GRIP1: variants seen among roughly 807,000 people sequenced by gnomAD.
The protein encoded by GRIP1 is glutamate receptor interacting protein 1.
Under a neutral mutation model 129.9 loss-of-function variants are expected in GRIP1, and 45 were observed. That is an observed-to-expected ratio of 0.35 (90% CI 0.27 to 0.44). GRIP1 has a LOEUF of 0.44. Ranked by LOEUF, GRIP1 falls within the 20% of genes least tolerant of loss-of-function variation. The probability of loss-of-function intolerance (pLI) is 1.00; values close to 1 mark genes in which losing one functional copy is unlikely to be tolerated. For missense variants in GRIP1, 1,196 were observed against 1,396.8 expected (o/e 0.86, Z 2.29); for synonymous variants, 530 against 520.8 (o/e 1.02, Z -0.24).
At chr12:66,960,523 G>A (rs1394089858) in intron 1 of GRIP1, among the ~76,000 whole-genome samples, 1 of 152,058 alleles carries the variant, frequency 6.6e-6, no homozygotes, top group African/African-American at 2.4e-5. Context: ...ACATACCACT[G>A]GTGCTCAGAA....
At chr12:66,514,058 C>A (rs2060776123) in intron 7 of GRIP1, among the ~76,000 whole-genome samples, 1 of 152,156 alleles carries the variant, frequency 6.6e-6, no homozygotes, top group African/African-American at 2.4e-5. Flanking sequence ...CCTGTGCCTG[C>A]CCTTATTCCC....
Position 66,490,990 on chromosome 12 carries a change from G to A in GRIP1, c.724+24629C>T, listed in dbSNP as rs59253853. On this transcript the variant is annotated intron_variant, in intron 7 of 24. Coordinates refer to ENST00000359742, the MANE Select transcript of GRIP1 (RefSeq NM_001366722.1). ...TGTTGGCAAGGTTGCGAAGAAAAAG[G>A]AATGCTTTTACACTGTTGGTGGGGG... 7.5e-3 allele frequency among the ~76,000 whole-genome samples: 1,137 copies of A among 152,278 alleles called. 18 individuals carry two copies. Among genetic ancestry groups the A allele is most frequent in the African/African-American group, 0.026 (1,096 of 41,564 alleles).
At chr12:66,801,999 G>T (rs2038872927) in intron 1 of GRIP1, among the ~76,000 whole-genome samples, 1 of 152,122 alleles carries the variant, frequency 6.6e-6, no homozygotes, top group Admixed American at 6.6e-5. Flanking sequence ...GAGAGGACTG[G>T]TTTTAAGGTC....
intron 1 of GRIP1, among the ~76,000 whole-genome samples, chr12:66,923,054 T>C (rs1357744246): frequency 1.3e-5 from 2 of 152,228 alleles, no homozygotes; most frequent in Non-Finnish European, 2.9e-5. Context: ...CTTCGCTACC[T>C]ACCTCAACAT....
Position 66,696,804 on chromosome 12 carries a change from CAAAAAAAAAAAAAAA to C in GRIP1, c.-419-66483_-419-66469del, listed in dbSNP as rs35445606. Among the ~76,000 whole-genome samples the C allele has an allele frequency of 2.6e-4, 27 of 103,746 alleles. No homozygotes were observed. The East Asian group carries it at 3.8e-3, about 14-fold the overall frequency. 68.1% of individuals were successfully genotyped at this position (103,746 alleles called of 152,430 possible). Reference sequence around the variant, plus strand: ...TGGGTGACAGAGCAAGACTCTGTCTCAAAAAAAAAAAAAAAAAAAAAAAAAAAAGAATTACTGTTA... The same window carrying C: ...TGGGTGACAGAGCAAGACTCTGTCTCAAAAAAAAAAAAAGAATTACTGTTA... On this transcript the variant is annotated intron_variant, in intron 1 of 4. Transcript: ENST00000538373.
chr12:66,412,421 C>T (rs980435572), intron 15 of GRIP1, among the ~76,000 whole-genome samples: 2 of 152,120 alleles, frequency 1.3e-5, no homozygotes, highest in Non-Finnish European at 2.9e-5. Flanking sequence ...CCTTTTCGGA[C>T]ATATAAATGC....
chr12:66,799,515 G>A (rs1340124241), intron 1 of GRIP1, among the ~76,000 whole-genome samples: 1 of 152,078 alleles, frequency 6.6e-6, no homozygotes, highest in Non-Finnish European at 1.5e-5. Flanking sequence ...AAGCACTAGA[G>A]AAGTAAGGAC....
chr12:66,400,184 C>G, intron 16 of GRIP1, among the ~76,000 whole-genome samples: 1 of 151,928 alleles, frequency 6.6e-6, no homozygotes, highest in East Asian at 1.9e-4. Flanking sequence ...ACCCCACAGA[C>G]CAACAGGAAT....
At chr12:66,533,490 T>C (rs1021552486) in intron 4 of GRIP1, among the ~76,000 whole-genome samples, 1 of 151,770 alleles carries the variant, frequency 6.6e-6, no homozygotes, top group South Asian at 2.1e-4. Context: ...ACTACAAATA[T>C]AAAAATTAGC....
At chr12:66,745,892 C>T (rs532907754) in intron 1 of GRIP1, among the ~76,000 whole-genome samples, 11 of 152,292 alleles carry the variant, frequency 7.2e-5, no homozygotes, top group African/African-American at 2.6e-4. Flanking sequence ...CACTGAAGTG[C>T]AGGGCCCCTC....
At chr12:66,793,823 G>A (rs963507511) in intron 1 of GRIP1, among the ~76,000 whole-genome samples, 5 of 152,080 alleles carry the variant, frequency 3.3e-5, no homozygotes, top group East Asian at 1.9e-4. Context: ...CTAACATACC[G>A]ACAATTGTGT....
intron 1 of GRIP1, among the ~76,000 whole-genome samples, chr12:66,792,182 C>A (rs867351247): frequency 1.1e-4 from 17 of 152,176 alleles, no homozygotes; most frequent in Non-Finnish European, 1.9e-4. Flanking sequence ...CACTTTACTA[C>A]GACTTTTCTC....
intron 22 of GRIP1, among the ~76,000 whole-genome samples, chr12:66,373,151 G>A (rs577307960): frequency 5.9e-5 from 9 of 152,120 alleles, no homozygotes; most frequent in Non-Finnish European, 8.8e-5. Flanking sequence ...GTGCAGTGGT[G>A]TGATCCTGGA....
chr12:66,774,668 G>T (rs2037922816), intron 1 of GRIP1, among the ~76,000 whole-genome samples: 4 of 152,104 alleles, frequency 2.6e-5, no homozygotes, highest in Admixed American at 6.5e-5. Flanking sequence ...AAAAAGAAAT[G>T]CAACCATAGG....
intron 1 of GRIP1, among the ~76,000 whole-genome samples, chr12:66,739,520 G>C (rs2036719040): frequency 6.6e-6 from 1 of 152,088 alleles, no homozygotes; most frequent in South Asian, 2.1e-4. Flanking sequence ...TTGTCAAACT[G>C]ATTATTGAGA....
intron 22 of GRIP1, among the ~76,000 whole-genome samples, chr12:66,374,703 T>C (rs1218297480): frequency 1.3e-5 from 2 of 152,202 alleles, no homozygotes; most frequent in South Asian, 2.1e-4. Context: ...TGATGAGTCT[T>C]AGCTGCCATA....
At position 66,867,642 on chromosome 12, in the gene GRIP1, C is replaced by T. The variant is rs527983038; in HGVS notation, c.58+201408G>A. ...ATAATAAAAACAAAATTATTAAATA[C>T]CATTCTTTGAAAATAATTGTGATTG... On this transcript the variant is annotated intron_variant, in intron 1 of 1. Coordinates refer to the GRIP1 transcript ENST00000643019. Among the ~76,000 whole-genome samples the T allele has an allele frequency of 6.6e-5, 10 of 152,040 alleles. 1 individual carries two copies. The highest frequency in any genetic ancestry group is 1.3e-4 in the Non-Finnish European group (9 of 68,012).
At chr12:67,050,398 C>T (rs879174697) in intron 1 of GRIP1, among the ~76,000 whole-genome samples, 1 of 152,068 alleles carries the variant, frequency 6.6e-6, no homozygotes, top group Non-Finnish European at 1.5e-5. Context: ...TCATTTTACA[C>T]TGTAATTCAT....
intron 1 of GRIP1, among the ~76,000 whole-genome samples, chr12:66,844,978 T>C (rs1488631725): frequency 1.3e-5 from 2 of 152,128 alleles, no homozygotes; most frequent in Non-Finnish European, 2.9e-5. Flanking sequence ...AATGATGAGT[T>C]AGCGCTTAAT....
Sources: gnomAD v4.1 joint callset for allele counts (sites outside exome capture counted in the v4.1 genomes callset) on GRCh38, gnomAD v4.1.1 for gene constraint, MANE v1.5 for transcripts, NCBI Gene and HGNC (gene_info 2026-07-23, HGNC 2026-07-21) for gene names.